The following IMMP2L variants were observed in gnomAD, a reference collection of about 807,000 sequenced individuals.
IMMP2L encodes the protein mitochondrial inner membrane protease subunit 2.
IMMP2L carries 18 observed loss-of-function variants against 19.3 expected under a neutral mutation model. That is an observed-to-expected ratio of 0.93 (90% CI 0.64 to 1.38). The LOEUF is 1.38. Ranked by LOEUF, IMMP2L falls within the 40% of genes most tolerant of loss-of-function variation. The pLI, the probability that IMMP2L is intolerant of heterozygous loss-of-function variation, is 0.00. For missense variants in IMMP2L, 233 were observed against 218.2 expected (o/e 1.07, Z -0.43); for synonymous variants, 76 against 73.0 (o/e 1.04, Z -0.21).
chr7:110,882,755 G>GT (rs1003156580), intron 5 of IMMP2L, among the ~76,000 whole-genome samples: 7 of 149,124 alleles, frequency 4.7e-5, no homozygotes, highest in Admixed American at 2.0e-4. Flanking sequence ...GTTTTTTTTT[G>GT]TTTTTTCTTT....
chr7:111,049,353 G>A (rs1050542034), intron 3 of IMMP2L, among the ~76,000 whole-genome samples: 5 of 151,726 alleles, frequency 3.3e-5, no homozygotes, highest in African/African-American at 1.2e-4. Flanking sequence ...GGATGGTCTC[G>A]ATCTCCTGAC....
At chr7:111,472,776 ATTTCCT>A (rs1476825312) in intron 3 of IMMP2L, among the ~76,000 whole-genome samples, 7 of 152,120 alleles carry the variant, frequency 4.6e-5, no homozygotes. Flanking sequence ...CATGGTAGTT[ATTTCCT>A]TTGTAGAAAT....
chr7:111,267,818 T>C (rs1817991262), intron 3 of IMMP2L, among the ~76,000 whole-genome samples: 2 of 152,118 alleles, frequency 1.3e-5, no homozygotes, highest in Non-Finnish European at 2.9e-5. Context: ...AGACCACAAA[T>C]TGAAATGTGG....
intron 3 of IMMP2L, among the ~76,000 whole-genome samples, chr7:111,367,877 A>T (rs1829923605): frequency 6.6e-6 from 1 of 151,924 alleles, no homozygotes. Context: ...GTGGATAAGC[A>T]ATAGATGATA....
At chr7:111,366,170 T>C (rs1304023133) in intron 3 of IMMP2L, among the ~76,000 whole-genome samples, 1 of 151,820 alleles carries the variant, frequency 6.6e-6, no homozygotes, top group Non-Finnish European at 1.5e-5. Flanking sequence ...AACTAAAAAA[T>C]AGAGAAACTA....
chr7:111,200,237 T>C (rs1026175938), intron 3 of IMMP2L, among the ~76,000 whole-genome samples: 2 of 152,092 alleles, frequency 1.3e-5, no homozygotes, highest in South Asian at 2.1e-4. Flanking sequence ...TAGGTATTAA[T>C]AAAGCAGGAT....
intron 3 of IMMP2L, among the ~76,000 whole-genome samples, chr7:110,966,274 GA>G: frequency 6.6e-6 from 1 of 151,998 alleles, no homozygotes; most frequent in Non-Finnish European, 1.5e-5. Flanking sequence ...AAAGGAAAAG[GA>G]AAAGTTCTGT....
At chr7:111,557,928 T>C (rs1563357146) in intron 1 of IMMP2L, among the ~76,000 whole-genome samples, 1 of 151,526 alleles carries the variant, frequency 6.6e-6, no homozygotes, top group African/African-American at 2.4e-5. Flanking sequence ...AAACACCAGA[T>C]CTTAAGAACG....
chr7:111,278,919 G>A (rs1819398298), intron 3 of IMMP2L, among the ~76,000 whole-genome samples: 1 of 151,626 alleles, frequency 6.6e-6, no homozygotes, highest in Non-Finnish European at 1.5e-5. Flanking sequence ...CATTTTAATG[G>A]TTTCTAAGTC....
chr7:110,769,972 G>A (rs1003922572), intron 5 of IMMP2L, among the ~76,000 whole-genome samples: 5 of 152,046 alleles, frequency 3.3e-5, no homozygotes, highest in African/African-American at 1.2e-4. Flanking sequence ...GTTTCATAAT[G>A]GGTCGCCCTT....
chr7:111,560,117 T>C (rs1791862564), intron 1 of IMMP2L, among the ~76,000 whole-genome samples: 1 of 152,302 alleles, frequency 6.6e-6, no homozygotes, highest in South Asian at 2.1e-4. Context: ...AGTATGTGTA[T>C]ATATGGAACA....
rs538323573 is a variant in IMMP2L at position 111,078,312 on chromosome 7, C to T, written c.240-114747G>A. ...ATACTTGCTGTGTGAACTTGGTATG[C>T]GCTTTCAGGAAAGCAATCTGTATAA... On this transcript the variant is annotated intron_variant, in intron 3 of 5. Coordinates refer to ENST00000405709, the MANE Select transcript of IMMP2L (RefSeq NM_032549.4). Among the ~76,000 whole-genome samples, 8 of 152,272 alleles carry T rather than the reference C, an allele frequency of 5.3e-5. No individual in the cohort carries two copies. The South Asian group carries it at 1.0e-3, about 20-fold the overall frequency.
rs73435321 is a variant in IMMP2L, at chr7:110,696,179, C to G, written c.409-32458G>C. On this transcript the variant is annotated intron_variant, in intron 5 of 5. Coordinates refer to ENST00000405709, the MANE Select transcript of IMMP2L (RefSeq NM_032549.4). Reference sequence around the variant, plus strand: ...GGGGTTCCATAAGCAGTAAGGCTGGCAAGGAGGACTCTGTCCAGACTGGTA... The same window carrying G: ...GGGGTTCCATAAGCAGTAAGGCTGGGAAGGAGGACTCTGTCCAGACTGGTA... 9.3e-3 allele frequency among the ~76,000 whole-genome samples: 1,420 copies of G among 152,250 alleles called. 26 individuals are homozygous for G. The highest frequency in any genetic ancestry group is 0.032 in the African/African-American group (1,312 of 41,546).
At chr7:111,445,453 T>C (rs1035048395) in intron 3 of IMMP2L, among the ~76,000 whole-genome samples, 1 of 151,578 alleles carries the variant, frequency 6.6e-6, no homozygotes, top group Non-Finnish European at 1.5e-5. Flanking sequence ...TTTAAACTGG[T>C]TTGGCCTTCA....
At chr7:110,664,176 T>C (rs1234239435) in intron 5 of IMMP2L, among the ~76,000 whole-genome samples, 1 of 152,092 alleles carries the variant, frequency 6.6e-6, no homozygotes, top group Non-Finnish European at 1.5e-5. Flanking sequence ...TCTCAGAGTT[T>C]CCCGCAGAGT....
At chr7:110,886,237 T>G (rs1452712542) in intron 5 of IMMP2L, among the ~76,000 whole-genome samples, 7 of 152,080 alleles carry the variant, frequency 4.6e-5, no homozygotes, top group Non-Finnish European at 7.4e-5. Flanking sequence ...CTATAGGTCT[T>G]GTACACATTG....
At chr7:111,263,074 C>T (rs149438298) in intron 3 of IMMP2L, among the ~76,000 whole-genome samples, 360 of 152,136 alleles carry the variant, frequency 2.4e-3, no homozygotes, top group Admixed American at 4.6e-3. Flanking sequence ...ATAATATAGT[C>T]CCCTGTAAGA....
chr7:111,188,869 T>C (rs1476848090), intron 3 of IMMP2L, among the ~76,000 whole-genome samples: 4 of 152,172 alleles, frequency 2.6e-5, no homozygotes, highest in Admixed American at 1.3e-4. Context: ...TCTTTTTCAA[T>C]AGGAAGATTT....
chr7:111,415,925 C>T (rs1041376556), intron 3 of IMMP2L, among the ~76,000 whole-genome samples: 24 of 151,542 alleles, frequency 1.6e-4, no homozygotes, highest in African/African-American at 5.4e-4. Flanking sequence ...ATTTTGAAAC[C>T]TGCAAATAAA....
Sources: allele counts gnomAD v4.1 joint callset (sites outside exome capture counted in the v4.1 genomes callset), GRCh38; gene constraint gnomAD v4.1.1; transcripts MANE v1.5; gene names NCBI Gene and HGNC (gene_info 2026-07-23, HGNC 2026-07-21).